ZXDC: variants seen among roughly 807,000 people sequenced by gnomAD.
ZXDC encodes the protein ZXD family zinc finger C, also known as zinc finger protein ZXDC.
In ZXDC, 58 loss-of-function variants were observed where a neutral mutation model predicts 63.6. The ratio of observed to expected loss-of-function variants is 0.91; its 90% CI spans 0.74 to 1.13. ZXDC has a LOEUF of 1.13. Ranked by LOEUF, ZXDC falls within the 50% of genes most tolerant of loss-of-function variation. The pLI is 0.00. For synonymous variants in ZXDC, 561 were observed against 496.1 expected (o/e 1.13, Z -1.74); for missense variants, 1,133 against 1,148.9 (o/e 0.99, Z 0.20).
chr3:126,460,288 G>GC (rs1284909650), intron 6 of ZXDC: 8 of 526,064 alleles, frequency 1.5e-5, no homozygotes, highest in Non-Finnish European at 1.9e-5. Context: ...ATCAGCTGTT[G>GC]CAAGTCTGTG....
intron 7 of ZXDC, chr3:126,451,881 C>T (rs1169838403): frequency 4.7e-5 from 46 of 985,082 alleles, no homozygotes; most frequent in Non-Finnish European, 5.3e-5. Context: ...AGGTCTCCAC[C>T]TCATAGGGTT....
intron 7 of ZXDC, among the ~76,000 whole-genome samples, chr3:126,455,842 C>CA (rs1056076860): frequency 5.8e-4 from 82 of 141,974 alleles, no homozygotes; most frequent in South Asian, 9.0e-4. Context: ...ACTAAAAATA[C>CA]AAAAAAAAAA....
intron 6 of ZXDC, chr3:126,460,715 G>C (rs1269892598): frequency 1.0e-6 from 1 of 985,322 alleles, no homozygotes; most frequent in African/African-American, 1.7e-5. Flanking sequence ...TGCAGAGACA[G>C]AGACTGTCCT....
intron 7 of ZXDC, chr3:126,458,868 A>G: frequency 1.0e-6 from 1 of 985,438 alleles, no homozygotes; most frequent in Non-Finnish European, 1.2e-6. Context: ...TGATGCATAC[A>G]CTATAGTGAA....
At chr3:126,466,447 G>C (rs913160853) in intron 4 of ZXDC, 122 bp from the exon 5 acceptor site, 50 of 1,014,694 alleles carry the variant, frequency 4.9e-5, no homozygotes, top group Middle Eastern at 4.0e-4. Flanking sequence ...TACTGGCAAG[G>C]ACAGAGACCA....
At chr3:126,454,623 T>C in intron 7 of ZXDC, 5 of 985,430 alleles carry the variant, frequency 5.1e-6, no homozygotes, top group Non-Finnish European at 6.0e-6. Flanking sequence ...GTGCCCTCAT[T>C]ACACTTCACT....
At chr3:126,449,752 A>G (rs17741708) in intron 7 of ZXDC, among the ~76,000 whole-genome samples, 5,018 of 152,338 alleles carry the variant, frequency 0.033, 93 homozygotes, top group South Asian at 0.052. Context: ...ACCTGACGGC[A>G]ACATAGGGAC....
At position 126,461,533 on chromosome 3, in the gene ZXDC, A is replaced by G. The variant is rs1464804659; in HGVS notation, c.2127+2T>C. On this transcript the variant is annotated splice_donor_variant, in intron 6 of 9. Coordinates refer to ENST00000389709, the MANE Select transcript of ZXDC (RefSeq NM_025112.5). LOFTEE classifies it high-confidence loss of function. ...GTGGTGACTGAATAGAGTGCTTCAT[A>G]CCAAATAGAAGTTGCCAGTGCCTGC... 6.2e-7 allele frequency: 1 copy of G among 1,605,204 alleles called. No individual in the cohort carries two copies. Among genetic ancestry groups the G allele is most frequent in the Non-Finnish European group, 8.5e-7 (1 of 1,173,918 alleles).
At chr3:126,451,421 C>G (rs1364974836) in intron 7 of ZXDC, 1 of 985,286 alleles carries the variant, frequency 1.0e-6, no homozygotes, top group Non-Finnish European at 1.2e-6. Context: ...GCAGCATGTG[C>G]AGCTTCACAC....
At chr3:126,446,683 T>C (rs1016780534) in intron 7 of ZXDC, among the ~76,000 whole-genome samples, 4 of 152,242 alleles carry the variant, frequency 2.6e-5, no homozygotes, top group Non-Finnish European at 5.9e-5. Flanking sequence ...CAGAGGTCAC[T>C]GGGGCTTAAC....
rs771720155 is a variant in ZXDC, at chr3:126,475,733, C to G, written c.133G>C (p.Gly45Arg). ...PARRRLLLVRGPEDGGPGARP... is the reference protein window; with the variant it reads ...PARRRLLLVRRPEDGGPGARP... ...GCCCCGGGCCCGCCATCTTCAGGGC[C>G]CCGCACCAGTAGCAGGCGGCGGCGC... is the stretch of plus-strand genomic sequence containing the variant. Residue 45 changes from glycine to arginine, a missense_variant, in exon 1 of 10, where the codon GGC becomes CGC. Transcript: ENST00000389709. 1.2e-5 allele frequency: 14 copies of G among 1,201,302 alleles called. No homozygotes were observed. In the South Asian group the frequency reaches 4.6e-4, roughly 40 times the overall value. The allele number at this position is 1,201,302 out of a possible 1,614,324, so 74.4% of individuals were successfully genotyped here.
intron 7 of ZXDC, among the ~76,000 whole-genome samples, chr3:126,446,662 G>A (rs1488248057): frequency 6.6e-6 from 1 of 152,196 alleles, no homozygotes; most frequent in African/African-American, 2.4e-5. Context: ...ATTCTCCCAA[G>A]GGTGGAAGAT....
At chr3:126,462,443 C>T (rs1560100906) in intron 5 of ZXDC, among the ~76,000 whole-genome samples, 1 of 152,178 alleles carries the variant, frequency 6.6e-6, no homozygotes, top group South Asian at 2.1e-4. Context: ...TGAAATCAGA[C>T]ACTTTACGTA....
chr3:126,459,821 G>A, intron 6 of ZXDC, 84 bp from the exon 7 acceptor site: 1 of 1,607,460 alleles, frequency 6.2e-7, no homozygotes. Context: ...CCATAAGCCT[G>A]CTTCTGGGAC....
intron 8 of ZXDC, chr3:126,441,342 C>T: frequency 9.9e-7 from 1 of 1,010,288 alleles, no homozygotes; most frequent in Admixed American, 5.9e-5. Flanking sequence ...CACAAGCAGG[C>T]CGCCCTAGAA....
chr3:126,455,565 A>G (rs1934273108), intron 7 of ZXDC, among the ~76,000 whole-genome samples: 1 of 152,210 alleles, frequency 6.6e-6, no homozygotes, highest in South Asian at 2.1e-4. Context: ...AAGTGCTCAA[A>G]ACAAAAAGCC....
intron 7 of ZXDC, chr3:126,453,902 T>C (rs1934207849): frequency 4.1e-6 from 4 of 985,082 alleles, no homozygotes; most frequent in Non-Finnish European, 3.6e-6. Context: ...TGTCTAGAGG[T>C]TTTGTTTTCC....
chr3:126,464,437 C>A (rs962846572), intron 5 of ZXDC, among the ~76,000 whole-genome samples: 5 of 152,200 alleles, frequency 3.3e-5, no homozygotes, highest in African/African-American at 1.2e-4. Context: ...CATAATCCCA[C>A]GGTAACTGGG....
At chr3:126,450,934 C>T (rs1934079439) in intron 7 of ZXDC, among the ~76,000 whole-genome samples, 1 of 152,156 alleles carries the variant, frequency 6.6e-6, no homozygotes, top group Non-Finnish European at 1.5e-5. Context: ...TCAGGGGGTC[C>T]CGGGGTGGCC....
Sources: gnomAD v4.1 joint callset for allele counts (sites outside exome capture counted in the v4.1 genomes callset) on GRCh38, gnomAD v4.1.1 for gene constraint, MANE v1.5 for transcripts, NCBI Gene and HGNC (gene_info 2026-07-23, HGNC 2026-07-21) for gene names.